Variants in SCUBE3 observed in about 807,000 individuals in gnomAD.
The protein encoded by SCUBE3 is signal peptide, CUB and EGF-like domain-containing protein 3.
SCUBE3 carries 33 observed loss-of-function variants against 116.8 expected under a neutral mutation model. The ratio of observed to expected loss-of-function variants is 0.28; its 90% CI spans 0.21 to 0.38. The LOEUF (loss-of-function observed/expected upper bound fraction) is 0.38, where lower values mean the gene tolerates loss of function less well. Among genes scored for constraint, SCUBE3 ranks in the 10% least tolerant of loss-of-function variants. SCUBE3 has a pLI of 1.00. For synonymous variants in SCUBE3, 418 were observed against 496.9 expected (o/e 0.84, Z 2.11); for missense variants, 1,007 against 1,324.8 (o/e 0.76, Z 3.72).
In SCUBE3 at chr6:35,244,543, G is replaced by C; in HGVS notation, c.2240-107G>C. The stretch of plus-strand genomic sequence containing the variant: ...TGAGACCCTAGAAAAGAACTTTGAT[G>C]TATCTGATCTCCTGATTCTCCAGGA... On this transcript the variant is annotated intron_variant, in intron 17 of 21. Transcript: ENST00000274938. The surrounding 1 kb of genome is among the most constrained non-coding windows in gnomAD (Gnocchi z 4.3). The C allele has an allele frequency of 2.3e-6, 2 of 882,030 alleles. No individual in the cohort carries two copies. The highest frequency in any genetic ancestry group is 3.6e-6 in the Non-Finnish European group (2 of 553,004). The allele number at this position is 882,030 out of a possible 1,614,324, so 54.6% of individuals were successfully genotyped here. A position where few individuals can be genotyped will look rare whatever the true frequency, so the allele number is the denominator to read the frequency against.
At position 35,231,684 on chromosome 6, in the gene SCUBE3, G is replaced by A. The variant is rs1324848762; in HGVS notation, c.335-41G>A. Reference sequence around the variant, plus strand: ...AGTCTTGGGATATACCCTGGACCCTGCCTGTACCCCATGACCCCACTGACT... The same window carrying A: ...AGTCTTGGGATATACCCTGGACCCTACCTGTACCCCATGACCCCACTGACT... On this transcript the variant is annotated intron_variant, in intron 3 of 21. Coordinates refer to ENST00000274938, the MANE Select transcript of SCUBE3 (RefSeq NM_152753.4). This position sits in a 1 kb window ranked among gnomAD's most constrained non-coding sequence, Gnocchi z 4.2. 6.4e-7 allele frequency: 1 copy of A among 1,571,936 alleles called. No homozygotes were observed. The highest frequency in any genetic ancestry group is 1.3e-5 in the African/African-American group (1 of 74,448).
chr6:35,215,222 T>G (rs2150277562), intron 1 of SCUBE3, among the ~76,000 whole-genome samples: 1 of 152,304 alleles, frequency 6.6e-6, no homozygotes, highest in Non-Finnish European at 1.5e-5. Flanking sequence ...CAGAATTGCA[T>G]TAAAATAACA....
Position 35,249,656 on chromosome 6 carries a change from A to G in SCUBE3, c.*951A>G, listed in dbSNP as rs569258037. ...GGGGGAGCCCTACTCCCCTTGCTACATGTTGTCCTTAAACATGGTTATTGA... is the reference window on the plus strand; with the variant it reads ...GGGGGAGCCCTACTCCCCTTGCTACGTGTTGTCCTTAAACATGGTTATTGA... On this transcript the variant is annotated 3_prime_UTR_variant, in exon 22 of 22. Coordinates refer to ENST00000274938, the MANE Select transcript of SCUBE3 (RefSeq NM_152753.4). The G allele has an allele frequency of 3.3e-5, 5 of 152,634 alleles. No individual in the cohort carries two copies. The highest frequency in any genetic ancestry group is 1.9e-4 in the East Asian group (1 of 5,176). The allele number at this position is 152,634 out of a possible 1,614,324, so 9.5% of individuals were successfully genotyped here.
rs897321046 is a variant in SCUBE3, at chr6:35,217,237, C to T, written c.85+2734C>T. Among the ~76,000 whole-genome samples the T allele has an allele frequency of 4.3e-3, 7 of 1,624 alleles. 2 individuals are homozygous for T. The highest frequency in any genetic ancestry group is 0.024 in the Non-Finnish European group (7 of 296). The allele number at this position is 1,624 out of a possible 152,430, so 1.1% of individuals were successfully genotyped here. On this transcript the variant is annotated intron_variant, in intron 1 of 21. Coordinates refer to ENST00000274938, the MANE Select transcript of SCUBE3 (RefSeq NM_152753.4). ...GGGTGTTTGGCGGGGGGGGGGGGGG[C>T]GGGGGGGAGGCGCGGCGGGGGGGGG...
intron 3 of SCUBE3, among the ~76,000 whole-genome samples, chr6:35,229,258 T>A (rs4711409): frequency 0.78 from 118,002 of 152,000 alleles, 46,659 homozygotes; most frequent in Non-Finnish European, 0.85. Context: ...AAAATAATAA[T>A]AATAAAAATT....
At chr6:35,222,109 C>T (rs1309866794) in intron 1 of SCUBE3, 1 of 152,210 alleles carries the variant, frequency 6.6e-6, no homozygotes, top group Non-Finnish European at 1.5e-5. Context: ...CCCACAATTA[C>T]CCCCTCCCCT....
intron 21 of SCUBE3, among the ~76,000 whole-genome samples, chr6:35,247,272 T>TA (rs1022871390): frequency 4.0e-5 from 6 of 151,378 alleles, no homozygotes; most frequent in Admixed American, 2.0e-4. Context: ...CCGTCTTTAC[T>TA]AAAAAAATAC....
At chr6:35,236,738 C>G (rs988987268) in intron 6 of SCUBE3, among the ~76,000 whole-genome samples, 4 of 152,228 alleles carry the variant, frequency 2.6e-5, no homozygotes, top group Non-Finnish European at 5.9e-5. Flanking sequence ...ACATCCAGTA[C>G]TGGTCTTATT....
Position 35,243,293 on chromosome 6 carries a change from C to G in SCUBE3, c.1909+57C>G. Reference sequence around the variant, plus strand: ...GGAAAGACCCAGTTTGGGCCTGACTCAGAGCAGGACCCTTTGTGGCCTCAG... The same window carrying G: ...GGAAAGACCCAGTTTGGGCCTGACTGAGAGCAGGACCCTTTGTGGCCTCAG... On this transcript the variant is annotated intron_variant, in intron 15 of 21. Coordinates refer to ENST00000274938, the MANE Select transcript of SCUBE3 (RefSeq NM_152753.4). The surrounding 1 kb of genome is among the most constrained non-coding windows in gnomAD (Gnocchi z 6.6). 1 of 1,418,066 alleles carries G rather than the reference C, an allele frequency of 7.1e-7. No homozygotes were observed. Among genetic ancestry groups the G allele is most frequent in the East Asian group, 2.3e-5 (1 of 43,664 alleles). 87.8% of individuals were successfully genotyped at this position (1,418,066 alleles called of 1,614,324 possible).
rs750205556 is a variant in SCUBE3, at chr6:35,238,023, G to A, written c.829+5G>A. 6 of 1,557,214 alleles carry A rather than the reference G, an allele frequency of 3.9e-6. No individual in the cohort carries two copies. The highest frequency in any genetic ancestry group is 1.1e-5 in the South Asian group (1 of 89,418). ...CAGACAGGAAGACGTGCAAAGGTAA[G>A]GACTTTGAGAGGACAGAAGCAGAGT... On this transcript the variant is annotated splice_donor_5th_base_variant and intron_variant, in intron 7 of 21. Coordinates refer to ENST00000274938, the MANE Select transcript of SCUBE3 (RefSeq NM_152753.4).
At position 35,219,886 on chromosome 6, in the gene SCUBE3, G is replaced by T. The variant is rs1783059866; in HGVS notation, c.85+5383G>T. 6.6e-6 allele frequency among the ~76,000 whole-genome samples: 1 copy of T among 152,180 alleles called. No homozygotes were observed. Among genetic ancestry groups the T allele is most frequent in the Non-Finnish European group, 1.5e-5 (1 of 68,016 alleles). On this transcript the variant is annotated intron_variant, in intron 1 of 21. Transcript: ENST00000274938. This position sits in a 1 kb window ranked among gnomAD's most constrained non-coding sequence, Gnocchi z 4.7. The stretch of plus-strand genomic sequence containing the variant: ...GTTTCTAACCAGCTGCTTGGCCCCA[G>T]CATAGTGAATCCAAGGGCAGGCAAC...
chr6:35,245,296 T>G lies in SCUBE3; in HGVS notation c.2470T>G (p.Tyr824Asp). ...YIESPNYPGN[Y>D]PAGVECIWNI... is the part of the protein sequence containing the mutation. ...TGAGTCCCCCAACTACCCGGGCAAC[T>G]ACCCAGCTGGTGTGGAGTGCATCTG... The change falls in exon 19 of 22, where the codon TAC (tyrosine) becomes GAC (aspartate). Residue 824 changes from tyrosine to aspartate, a missense_variant. Tyr to Asp is a radical substitution (Grantham distance 160). Around this residue, in one of 5 missense-constraint regions of SCUBE3, gnomAD observed 544 missense variants for 638.9 expected, o/e 0.85. Transcript: ENST00000274938. The surrounding 1 kb of genome is among the most constrained non-coding windows in gnomAD (Gnocchi z 4.2). 6.2e-7 allele frequency: 1 copy of G among 1,614,102 alleles called. No homozygotes were observed. The highest frequency in any genetic ancestry group is 8.5e-7 in the Non-Finnish European group (1 of 1,179,966).
At position 35,241,739 on chromosome 6, in the gene SCUBE3, C is replaced by G; in HGVS notation, c.1313-67C>G. On this transcript the variant is annotated intron_variant, in intron 11 of 21. Transcript: ENST00000274938. This position sits in a 1 kb window ranked among gnomAD's most constrained non-coding sequence, Gnocchi z 4.1. ...CCGTTCAGGCAGCTCCTTCATTCCC[C>G]CTGGATTCCTCCAGCCAGCGGGGGT... 6.6e-7 allele frequency: 1 copy of G among 1,508,282 alleles called. No individual in the cohort carries two copies. The highest frequency in any genetic ancestry group is 1.1e-5 in the South Asian group (1 of 88,994). The allele number at this position is 1,508,282 out of a possible 1,614,324, so 93.4% of individuals were successfully genotyped here. A position where few individuals can be genotyped will look rare whatever the true frequency, so the allele number is the denominator to read the frequency against.
chr6:35,238,372 G>A (rs1054188603), intron 7 of SCUBE3, among the ~76,000 whole-genome samples: 1 of 152,198 alleles, frequency 6.6e-6, no homozygotes, highest in African/African-American at 2.4e-5. Flanking sequence ...GGTCACAGGT[G>A]TGTTCCATAA....
In SCUBE3 at chr6:35,251,392, C is replaced by T. The variant is rs1784551421; in HGVS notation, c.*2687C>T. 6.6e-6 allele frequency: 1 copy of T among 151,562 alleles called. No homozygotes were observed. The highest frequency in any genetic ancestry group is 1.9e-4 in the East Asian group (1 of 5,154). The allele number at this position is 151,562 out of a possible 1,614,324, so 9.4% of individuals were successfully genotyped here. A position where few individuals can be genotyped will look rare whatever the true frequency, so the allele number is the denominator to read the frequency against. On this transcript the variant is annotated 3_prime_UTR_variant, in exon 22 of 22. Coordinates refer to ENST00000274938, the MANE Select transcript of SCUBE3 (RefSeq NM_152753.4). ...TCTTGAACTCTTGACCTCAGGTGAT[C>T]CACCCGCCTCAGTCTCCCAAAGTGC... is the stretch of plus-strand genomic sequence containing the variant.
chr6:35,221,205 G>T (rs1442918582), intron 1 of SCUBE3: 1 of 152,188 alleles, frequency 6.6e-6, no homozygotes, highest in African/African-American at 2.4e-5. Flanking sequence ...TGTTGAAGGG[G>T]ATGCTCTGAA....
rs920489420 is a variant in SCUBE3, at chr6:35,252,151, TC to T, written c.*3449del. ...GGCAGTTCCTCTTTACTTCTCTGCC[TC>T]CCTCTTTCTATATTATCAGGCCATG... is the stretch of plus-strand genomic sequence containing the variant. On this transcript the variant is annotated 3_prime_UTR_variant, in exon 22 of 22. Coordinates refer to ENST00000274938, the MANE Select transcript of SCUBE3 (RefSeq NM_152753.4). 1.3e-5 allele frequency: 2 copies of T among 152,262 alleles called. No individual in the cohort carries two copies. The highest frequency in any genetic ancestry group is 2.9e-5 in the Non-Finnish European group (2 of 68,078). The allele number at this position is 152,262 out of a possible 1,614,324, so 9.4% of individuals were successfully genotyped here.
In SCUBE3 at chr6:35,245,947, C is replaced by T; in HGVS notation, c.2603C>T (p.Ser868Phe). The T allele has an allele frequency of 1.2e-6, 2 of 1,613,946 alleles. No homozygotes were observed. Among genetic ancestry groups the T allele is most frequent in the Non-Finnish European group, 1.7e-6 (2 of 1,179,880 alleles). The change falls in exon 20 of 22, where the codon TCC (serine) becomes TTC (phenylalanine). Residue 868 changes from serine (S) to phenylalanine (F), a missense_variant. By Grantham distance (155) the Ser-to-Phe change is radical (BLOSUM62 -2). Transcript: ENST00000274938. This position sits in a 1 kb window ranked among gnomAD's most constrained non-coding sequence, Gnocchi z 4.2. ...GDVLVMRKNS[S>F]PSSITTYETC... ...GACCTGCTGCTTGCCTTCCCAGCAT[C>T]CCCATCCTCCATTACCACTTATGAG...
At position 35,241,967 on chromosome 6, in the gene SCUBE3, T is replaced by C. The variant is rs1332911947; in HGVS notation, c.1417+57T>C. On this transcript the variant is annotated intron_variant, in intron 12 of 21. Transcript: ENST00000274938. The surrounding 1 kb of genome is among the most constrained non-coding windows in gnomAD (Gnocchi z 4.1). ...CCTACTCTCTTACATTAATCCCTTA[T>C]TTTTGTTCTTCATCAATCCCCTGGC... is the stretch of plus-strand genomic sequence containing the variant. The C allele has an allele frequency of 7.9e-7, 1 of 1,260,416 alleles. No homozygotes were observed. The highest frequency in any genetic ancestry group is 1.5e-5 in the African/African-American group (1 of 68,290). 78.1% of individuals were successfully genotyped at this position (1,260,416 alleles called of 1,614,324 possible). A position where few individuals can be genotyped will look rare whatever the true frequency, so the allele number is the denominator to read the frequency against.
Sources: allele counts gnomAD v4.1 joint callset (sites outside exome capture counted in the v4.1 genomes callset), GRCh38; gene constraint gnomAD v4.1.1; regional missense constraint gnomAD v4.1.1; non-coding constraint Gnocchi (gnomAD v3.1); transcripts MANE v1.5; gene names NCBI Gene and HGNC (gene_info 2026-07-23, HGNC 2026-07-21).